UGP2: variants seen among roughly 807,000 people sequenced by gnomAD.
UGP2 encodes the protein UDP-glucose pyrophosphorylase 2, also known as UTP--glucose-1-phosphate uridylyltransferase.
A neutral mutation model predicts 49.0 loss-of-function variants in UGP2; 40 were observed. The ratio of observed to expected loss-of-function variants is 0.82; its 90% CI spans 0.63 to 1.06. The LOEUF (loss-of-function observed/expected upper bound fraction) is 1.06, where lower values mean the gene tolerates loss of function less well. Among genes scored for constraint, UGP2 ranks in the 50% least tolerant of loss-of-function variants. The pLI is 0.00. For missense variants in UGP2, 460 were observed against 603.5 expected (o/e 0.76, Z 2.49); for synonymous variants, 225 against 213.0 (o/e 1.06, Z -0.49).
chr2:63,871,991 A>G (rs538597942), intron 3 of UGP2, among the ~76,000 whole-genome samples: 7 of 152,366 alleles, frequency 4.6e-5, no homozygotes, highest in African/African-American at 1.4e-4. Flanking sequence ...TGATTACTCA[A>G]TTCAGCCATG....
chr2:63,872,108 A>G (rs1374546413), intron 3 of UGP2, among the ~76,000 whole-genome samples: 2 of 152,200 alleles, frequency 1.3e-5, no homozygotes, highest in African/African-American at 4.8e-5. Flanking sequence ...TAGTTTGTTG[A>G]CCTCTGTCTT....
chr2:63,875,720 TGAGTGGCCTGGCCTCCTCTG>T (rs1670864916), intron 3 of UGP2, among the ~76,000 whole-genome samples: 2 of 152,220 alleles, frequency 1.3e-5, no homozygotes, highest in Admixed American at 1.3e-4. Flanking sequence ...GAAGAGAACA[TGAGTGGCCTGGCCTCCTCTG>T]GACTTTTTGC....
rs768058802 is a variant in UGP2 at position 63,856,446 on chromosome 2, C to G, written c.147+13C>G. The G allele has an allele frequency of 3.1e-6, 5 of 1,606,774 alleles. No homozygotes were observed. The highest frequency in any genetic ancestry group is 1.3e-5 in the African/African-American group (1 of 74,960). ...ACATGAATTTGAGGTAAGGAGGTTT[C>G]TACAGTGTTCCACCCCCCCGCCCCT... On this transcript the variant is annotated intron_variant, in intron 2 of 9. Coordinates refer to ENST00000337130, the MANE Select transcript of UGP2 (RefSeq NM_006759.4).
At chr2:63,873,408 G>A (rs1383440545) in intron 3 of UGP2, among the ~76,000 whole-genome samples, 1 of 152,118 alleles carries the variant, frequency 6.6e-6, no homozygotes, top group Non-Finnish European at 1.5e-5. Flanking sequence ...AATGACTTCT[G>A]TTACTAAGAT....
intron 3 of UGP2, among the ~76,000 whole-genome samples, chr2:63,876,129 C>G (rs1446808135): frequency 1.3e-5 from 2 of 152,140 alleles, no homozygotes; most frequent in Non-Finnish European, 2.9e-5. Context: ...TTTTCTAACA[C>G]ATATCCCCTT....
chr2:63,846,678 A>G (rs550386793), intron 1 of UGP2, among the ~76,000 whole-genome samples: 4 of 152,210 alleles, frequency 2.6e-5, no homozygotes, highest in Non-Finnish European at 4.4e-5. Context: ...TACTGAGCTA[A>G]TTATAACTGG....
intron 3 of UGP2, among the ~76,000 whole-genome samples, chr2:63,878,018 AAAAAAAAAAAAG>A (rs1282720034): frequency 1.3e-5 from 2 of 150,482 alleles, no homozygotes; most frequent in Non-Finnish European, 3.0e-5. Context: ...AAAAAAAAAA[AAAAAAAAAAAAG>A]AAGTCTGCAT....
chr2:63,856,162 C>A, intron 1 of UGP2, 144 bp from the exon 2 acceptor site: 2 of 964,452 alleles, frequency 2.1e-6, no homozygotes, highest in Non-Finnish European at 3.0e-6. Flanking sequence ...CTAGTTGACA[C>A]CACTGAATTA....
chr2:63,855,439 T>A, intron 1 of UGP2: 1 of 477,344 alleles, frequency 2.1e-6, no homozygotes, highest in East Asian at 6.1e-5. Context: ...AATAAGATGA[T>A]TACTTTCTAG....
chr2:63,848,254 A>G (rs890308942), intron 1 of UGP2, among the ~76,000 whole-genome samples: 51 of 152,338 alleles, frequency 3.3e-4, no homozygotes, highest in Admixed American at 2.6e-4. Flanking sequence ...TAAATATCAT[A>G]TTTTGAACTT....
chr2:63,852,423 G>C (rs1669104603), intron 1 of UGP2, among the ~76,000 whole-genome samples: 1 of 152,218 alleles, frequency 6.6e-6, no homozygotes, highest in South Asian at 2.1e-4. Context: ...GTCCCAAATG[G>C]AATAGGAAAT....
intron 1 of UGP2, among the ~76,000 whole-genome samples, chr2:63,844,152 A>G (rs932304641): frequency 6.6e-6 from 1 of 152,176 alleles, no homozygotes; most frequent in African/African-American, 2.4e-5. Flanking sequence ...TTTGACATGA[A>G]TGTGCTCCTG....
At chr2:63,877,789 C>T (rs1189139947) in intron 3 of UGP2, among the ~76,000 whole-genome samples, 5 of 150,762 alleles carry the variant, frequency 3.3e-5, no homozygotes, top group African/African-American at 7.3e-5. Flanking sequence ...GTCAGGAGAT[C>T]GAGACCATCC....
chr2:63,869,444 G>A (rs547421447), intron 3 of UGP2, among the ~76,000 whole-genome samples: 6 of 152,190 alleles, frequency 3.9e-5, no homozygotes, highest in African/African-American at 1.2e-4. Context: ...TGTATTAACT[G>A]CTGTTTGAAA....
chr2:63,887,985 A>G (rs183131009), intron 8 of UGP2: 3 of 211,680 alleles, frequency 1.4e-5, no homozygotes, highest in East Asian at 2.1e-4. Context: ...GCAGTGTTCT[A>G]GGTTCTAGGG....
intron 3 of UGP2, 179 bp downstream of exon 3, chr2:63,858,115 C>G: frequency 1.7e-6 from 1 of 588,230 alleles, no homozygotes. Flanking sequence ...CCTTTCCCTT[C>G]TTTTAGACCT....
At chr2:63,880,897 C>G (rs1007806138) in intron 3 of UGP2, among the ~76,000 whole-genome samples, 22 of 152,180 alleles carry the variant, frequency 1.4e-4, no homozygotes, top group African/African-American at 5.1e-4. Context: ...GCCCACAGGC[C>G]TGTCCCCTCC....
At chr2:63,862,815 G>A (rs972773175) in intron 3 of UGP2, 2 of 455,562 alleles carry the variant, frequency 4.4e-6, no homozygotes, top group Non-Finnish European at 8.8e-6. Flanking sequence ...TGGTGTTAAA[G>A]TTTCTGAAAC....
chr2:63,886,242 ATGTAT>A (rs1207920374), intron 6 of UGP2, 94 bp from the exon 7 acceptor site: 1 of 1,154,254 alleles, frequency 8.7e-7, no homozygotes, highest in Non-Finnish European at 1.3e-6. Flanking sequence ...TTTCTACATA[ATGTAT>A]TTATATATTT....
Sources: gnomAD v4.1 joint callset for allele counts (sites outside exome capture counted in the v4.1 genomes callset) on GRCh38, gnomAD v4.1.1 for gene constraint, MANE v1.5 for transcripts, NCBI Gene and HGNC (gene_info 2026-07-23, HGNC 2026-07-21) for gene names.